Variants in DCDC2 observed in about 807,000 individuals in gnomAD.
DCDC2 encodes the protein doublecortin domain containing 2.
A neutral mutation model predicts 50.2 loss-of-function variants in DCDC2; 40 were observed. The observed-to-expected ratio is 0.80, with a 90% CI of 0.62 to 1.04. The LOEUF (loss-of-function observed/expected upper bound fraction) is 1.04. Ranked by LOEUF, DCDC2 falls within the 50% of genes least tolerant of loss-of-function variation. The pLI is 0.00. For synonymous variants in DCDC2, 234 were observed against 210.6 expected, an observed-to-expected ratio of 1.11 and a Z score of -0.96; for missense variants, 570 against 581.9, an observed-to-expected ratio of 0.98 and a Z score of 0.21.
intron 7 of DCDC2, among the ~76,000 whole-genome samples, chr6:24,247,712 T>C (rs1040605026): frequency 1.3e-5 from 2 of 152,174 alleles, no homozygotes; most frequent in African/African-American, 4.8e-5. Flanking sequence ...GGAATATGGG[T>C]ATAGCAACAG....
chr6:24,222,165 A>C (rs1762132972), intron 7 of DCDC2, among the ~76,000 whole-genome samples: 1 of 152,236 alleles, frequency 6.6e-6, no homozygotes, highest in Non-Finnish European at 1.5e-5. Context: ...TGTACAAATT[A>C]AACTTTGGAG....
chr6:24,321,039 A>C (rs749617015), intron 2 of DCDC2, among the ~76,000 whole-genome samples: 8 of 152,096 alleles, frequency 5.3e-5, no homozygotes, highest in Non-Finnish European at 1.2e-4. Flanking sequence ...CCAAATCAAG[A>C]ATAATTTAAG....
At chr6:24,285,641 T>C (rs1763587600) in intron 6 of DCDC2, among the ~76,000 whole-genome samples, 1 of 152,184 alleles carries the variant, frequency 6.6e-6, no homozygotes, top group Admixed American at 6.5e-5. Flanking sequence ...CAGCACAGTC[T>C]AAAAAACTTA....
Position 24,326,846 on chromosome 6 carries a change from G to A in DCDC2, c.349-24802C>T, listed in dbSNP as rs1181965959. ...TGCACTCCAGCCTGGGTGACAGAGCGAGACCCTGTCTCAAAAAAAAAAAAA... is the reference window on the plus strand; with the variant it reads ...TGCACTCCAGCCTGGGTGACAGAGCAAGACCCTGTCTCAAAAAAAAAAAAA... On this transcript the variant is annotated intron_variant, in intron 2 of 9. Coordinates refer to ENST00000378454, the MANE Select transcript of DCDC2 (RefSeq NM_016356.5). Among the ~76,000 whole-genome samples, 11 of 142,872 alleles carry A rather than the reference G, an allele frequency of 7.7e-5. 1 individual carries two copies. The highest frequency in any genetic ancestry group is 2.5e-4 in the South Asian group (1 of 4,034). 93.7% of individuals were successfully genotyped at this position (142,872 alleles called of 152,430 possible).
At chr6:24,328,822 C>T (rs535608368) in intron 2 of DCDC2, among the ~76,000 whole-genome samples, 8 of 152,240 alleles carry the variant, frequency 5.3e-5, no homozygotes, top group Non-Finnish European at 1.0e-4. Flanking sequence ...GTTATTTGTA[C>T]GCATATCTAC....
chr6:24,326,717 G>C (rs1049457755), intron 2 of DCDC2, among the ~76,000 whole-genome samples: 1 of 148,658 alleles, frequency 6.7e-6, no homozygotes, highest in African/African-American at 2.4e-5. Flanking sequence ...AAATTGGCCA[G>C]GTGTGGTGGT....
intron 2 of DCDC2, among the ~76,000 whole-genome samples, chr6:24,350,936 C>T (rs991725216): frequency 6.6e-6 from 1 of 152,128 alleles, no homozygotes; most frequent in East Asian, 1.9e-4. Context: ...ATAGATCATC[C>T]TCCAACTTAT....
intron 2 of DCDC2, among the ~76,000 whole-genome samples, chr6:24,313,588 T>C (rs1056568026): frequency 1.6e-4 from 25 of 152,212 alleles, no homozygotes; most frequent in African/African-American, 5.3e-4. Context: ...TACATAACAA[T>C]GCAAGATAAA....
At chr6:24,292,272 G>T (rs914406877) in intron 4 of DCDC2, among the ~76,000 whole-genome samples, 7 of 151,892 alleles carry the variant, frequency 4.6e-5, no homozygotes, top group African/African-American at 1.7e-4. Context: ...TAAATGGAAG[G>T]ATTTCAGTAT....
chr6:24,243,170 G>GC (rs1762601168), intron 7 of DCDC2, among the ~76,000 whole-genome samples: 1 of 152,208 alleles, frequency 6.6e-6, no homozygotes, highest in Non-Finnish European at 1.5e-5. Context: ...AAACCTGTCA[G>GC]TAATCTAAAG....
chr6:24,266,747 A>T (rs928105119), intron 7 of DCDC2, among the ~76,000 whole-genome samples: 6 of 152,146 alleles, frequency 3.9e-5, no homozygotes, highest in African/African-American at 1.4e-4. Flanking sequence ...AACAGTATGG[A>T]GGTTCCTCAA....
intron 2 of DCDC2, among the ~76,000 whole-genome samples, chr6:24,333,595 C>A (rs1288086955): frequency 6.6e-6 from 1 of 152,150 alleles, no homozygotes; most frequent in African/African-American, 2.4e-5. Flanking sequence ...ACTGAAGATT[C>A]ATGAACTGAA....
intron 4 of DCDC2, among the ~76,000 whole-genome samples, chr6:24,301,370 CAAAA>C (rs59055669): frequency 1.2e-4 from 8 of 64,112 alleles, no homozygotes; most frequent in Non-Finnish European, 1.1e-4. Context: ...GGCTCCATCT[CAAAA>C]AAAAAAAAAA....
chr6:24,357,043 A>G (rs544228146), intron 1 of DCDC2: 72 of 161,908 alleles, frequency 4.4e-4, no homozygotes, highest in African/African-American at 1.5e-3. Context: ...TGGTGACAAT[A>G]TAGTGTCCAA....
At chr6:24,360,033 G>C (rs2127261098), upstream of DCDC2, among the ~76,000 whole-genome samples, 1 of 152,318 alleles carries the variant, frequency 6.6e-6, no homozygotes, top group Admixed American at 6.5e-5. Context: ...GGTGCGGCTC[G>C]GGTGGCACAG....
At chr6:24,333,617 A>G (rs1408776107) in intron 2 of DCDC2, among the ~76,000 whole-genome samples, 1 of 152,224 alleles carries the variant, frequency 6.6e-6, no homozygotes. Context: ...TCCAAAAAAC[A>G]TTGATGTAAA....
chr6:24,233,465 C>T (rs1257106589), intron 7 of DCDC2, among the ~76,000 whole-genome samples: 1 of 152,128 alleles, frequency 6.6e-6, no homozygotes, highest in Non-Finnish European at 1.5e-5. Context: ...TTATCGTCAT[C>T]CCCCAATGAG....
At chr6:24,263,358 C>A (rs898033976) in intron 7 of DCDC2, among the ~76,000 whole-genome samples, 6 of 152,130 alleles carry the variant, frequency 3.9e-5, no homozygotes, top group Non-Finnish European at 8.8e-5. Context: ...AGCATCGAGA[C>A]CATCCCGAGA....
At chr6:24,359,419 TTATATATATTTATATATACTATATAG>T (rs1561789599), upstream of DCDC2, among the ~76,000 whole-genome samples, 523 of 50,946 alleles carry the variant, frequency 0.01, 31 homozygotes, top group African/African-American at 0.032. Flanking sequence ...ATATTATATA[TTATATATATTTATATATACTATATAG>T]TATATATATT....
Sources: allele counts gnomAD v4.1 joint callset (sites outside exome capture counted in the v4.1 genomes callset), GRCh38; gene constraint gnomAD v4.1.1; transcripts MANE v1.5; gene names NCBI Gene and HGNC (gene_info 2026-07-23, HGNC 2026-07-21).